Variants in FAR1 observed in about 807,000 individuals in gnomAD.
The protein encoded by FAR1 is fatty acyl-CoA reductase 1.
FAR1 carries 22 observed loss-of-function variants against 61.1 expected under a neutral mutation model. The ratio of observed to expected loss-of-function variants is 0.36; its 90% CI spans 0.26 to 0.51. FAR1 has a LOEUF of 0.51. FAR1 is among the 20% of genes least tolerant of loss of function. FAR1 has a pLI of 0.95. For synonymous variants in FAR1, 206 were observed against 209.7 expected (o/e 0.98, Z 0.15); for missense variants, 359 against 626.9 (o/e 0.57, Z 4.56).
At chr11:13,722,843 C>CCTCTTTCTCT (rs1848625673) in intron 10 of FAR1, among the ~76,000 whole-genome samples, 1 of 143,086 alleles carries the variant, frequency 7.0e-6, no homozygotes, top group Non-Finnish European at 1.5e-5. Flanking sequence ...TAGATTTCTC[C>CCTCTTTCTCT]CTCTCTCTCT....
At chr11:13,713,404 G>A (rs12797900) in intron 8 of FAR1, among the ~76,000 whole-genome samples, 1 of 152,078 alleles carries the variant, frequency 6.6e-6, no homozygotes, top group Non-Finnish European at 1.5e-5. Context: ...CTTCTTACAA[G>A]AGGTGGTATA....
intron 1 of FAR1, among the ~76,000 whole-genome samples, chr11:13,679,301 C>G (rs886353240): frequency 1.3e-5 from 2 of 151,962 alleles, no homozygotes; most frequent in East Asian, 3.9e-4. Flanking sequence ...AAAAAGTGAT[C>G]AAGCACAATA....
At chr11:13,715,093 G>C (rs1402307583) in intron 9 of FAR1, among the ~76,000 whole-genome samples, 3 of 152,150 alleles carry the variant, frequency 2.0e-5, no homozygotes, top group African/African-American at 7.2e-5. Flanking sequence ...GTCAGCCATA[G>C]AGTATCTGCA....
At chr11:13,695,623 C>CT (rs1454222812) in intron 2 of FAR1, among the ~76,000 whole-genome samples, 1 of 152,126 alleles carries the variant, frequency 6.6e-6, no homozygotes, top group East Asian at 1.9e-4. Context: ...AGGAATCTGA[C>CT]TGCAGGCATA....
chr11:13,731,514 T>C lies in FAR1; in HGVS notation c.*2740T>C, dbSNP rs1454957677. On this transcript the variant is annotated 3_prime_UTR_variant, in exon 12 of 12. Transcript: ENST00000354817. ...ATTTCCATTATAGTATTTATTGTATTTTTATGTTCTGAAAATTACCCATGG... is the reference window on the plus strand; with the variant it reads ...ATTTCCATTATAGTATTTATTGTATCTTTATGTTCTGAAAATTACCCATGG... 1 of 152,588 alleles carries C rather than the reference T, an allele frequency of 6.6e-6. No individual in the cohort carries two copies. The highest frequency in any genetic ancestry group is 1.5e-5 in the Non-Finnish European group (1 of 68,022). 9.5% of individuals were successfully genotyped at this position (152,588 alleles called of 1,614,324 possible).
chr11:13,730,726 G>A lies in FAR1; in HGVS notation c.*1952G>A, dbSNP rs189891009. 13 of 152,196 alleles carry A rather than the reference G, an allele frequency of 8.5e-5. No individual in the cohort carries two copies. The highest frequency in any genetic ancestry group is 3.1e-4 in the African/African-American group (13 of 41,564). The allele number at this position is 152,196 out of a possible 1,614,324, so 9.4% of individuals were successfully genotyped here. A position where few individuals can be genotyped will look rare whatever the true frequency, so the allele number is the denominator to read the frequency against. ...CAGGCCTATGAAGTGCATAGGGAGT[G>A]TATGTCTTCTGAATGGTTTTATTGT... On this transcript the variant is annotated 3_prime_UTR_variant, in exon 12 of 12. Coordinates refer to ENST00000354817, the MANE Select transcript of FAR1 (RefSeq NM_032228.6).
At chr11:13,708,443 G>GCACACACACACA (rs770468143) in intron 4 of FAR1, among the ~76,000 whole-genome samples, 35 of 84,422 alleles carry the variant, frequency 4.1e-4, no homozygotes, top group Admixed American at 7.2e-4. Context: ...GTGCGCGCGC[G>GCACACACACACA]CGCGCACACA....
At chr11:13,714,138 T>G (rs1318978283) in intron 8 of FAR1, among the ~76,000 whole-genome samples, 1 of 151,812 alleles carries the variant, frequency 6.6e-6, no homozygotes, top group East Asian at 1.9e-4. Context: ...TCCTTTTCTT[T>G]TTTAAGTAAG....
intron 11 of FAR1, 111 bp downstream of exon 11, chr11:13,727,794 AT>A: frequency 1.0e-6 from 1 of 992,432 alleles, no homozygotes; most frequent in Non-Finnish European, 1.5e-6. Context: ...GATGCAGATA[AT>A]TTTTAATGGT....
chr11:13,707,482 G>A (rs1310061543), intron 3 of FAR1, among the ~76,000 whole-genome samples: 4 of 151,956 alleles, frequency 2.6e-5, no homozygotes, highest in South Asian at 2.1e-4. Flanking sequence ...GTGACTCTAC[G>A]TTAACATTTT....
intron 1 of FAR1, among the ~76,000 whole-genome samples, chr11:13,692,190 A>G (rs1341389199): frequency 2.0e-5 from 3 of 152,108 alleles, no homozygotes; most frequent in Non-Finnish European, 4.4e-5. Context: ...TTAAGCACCA[A>G]CATGATGCTC....
At chr11:13,674,832 C>G (rs1214751605) in intron 1 of FAR1, among the ~76,000 whole-genome samples, 2 of 152,154 alleles carry the variant, frequency 1.3e-5, no homozygotes, top group Non-Finnish European at 2.9e-5. Context: ...TTCAATTGGT[C>G]TGTTCTGTAT....
chr11:13,718,746 G>C (rs1416740759), intron 9 of FAR1, among the ~76,000 whole-genome samples: 4 of 152,202 alleles, frequency 2.6e-5, no homozygotes, highest in Non-Finnish European at 4.4e-5. Flanking sequence ...GGGTTAGCTT[G>C]ATGGTAATGG....
chr11:13,700,459 G>T lies in FAR1; in HGVS notation c.332G>T (p.Cys111Phe). Reference protein sequence around the residue: ...IIDSTNIIFHCAATVRFNENL... With the variant: ...IIDSTNIIFHFAATVRFNENL... ...GATTCTACCAATATTATATTCCACT[G>T]TGCAGCTACAGTAAGGTTTAATGAA... Residue 111 changes from cysteine (C) to phenylalanine (F), a missense_variant, in exon 3 of 12, where the codon TGT becomes TTT. Cys to Phe is a radical substitution (Grantham distance 205, BLOSUM62 -2). Transcript: ENST00000354817. 9 of 1,541,526 alleles carry T rather than the reference G, an allele frequency of 5.8e-6. No homozygotes were observed. The highest frequency in any genetic ancestry group is 7.8e-6 in the Non-Finnish European group (9 of 1,150,842).
At chr11:13,715,357 C>G (rs995285765) in intron 9 of FAR1, among the ~76,000 whole-genome samples, 1 of 152,110 alleles carries the variant, frequency 6.6e-6, no homozygotes, top group Non-Finnish European at 1.5e-5. Context: ...CTCCAAAATT[C>G]CATAATATAG....
chr11:13,669,224 G>C lies in FAR1; in HGVS notation c.-8+418G>C, dbSNP rs188583085. On this transcript the variant is annotated intron_variant, in intron 1 of 11. Coordinates refer to ENST00000354817, the MANE Select transcript of FAR1 (RefSeq NM_032228.6). ...GCAGGATTCCGGGTCTGGGGAGGAA[G>C]AAAGTGGTGGGAAATAGGTGATGCT... is the stretch of plus-strand genomic sequence containing the variant. 3.3e-5 allele frequency: 5 copies of C among 152,798 alleles called. No homozygotes were observed. The East Asian group carries it at 9.7e-4, about 30-fold the overall frequency. The allele number at this position is 152,798 out of a possible 1,614,324, so 9.5% of individuals were successfully genotyped here.
chr11:13,728,787 C>G lies in FAR1; in HGVS notation c.*13C>G. ...TATGAGATACTGAAGACCAAGGATTCAGCATTAGAACATCTATACATATGG... is the reference window on the plus strand; with the variant it reads ...TATGAGATACTGAAGACCAAGGATTGAGCATTAGAACATCTATACATATGG... On this transcript the variant is annotated 3_prime_UTR_variant, in exon 12 of 12. Coordinates refer to ENST00000354817, the MANE Select transcript of FAR1 (RefSeq NM_032228.6). 6.2e-7 allele frequency: 1 copy of G among 1,607,658 alleles called. No homozygotes were observed. Among genetic ancestry groups the G allele is most frequent in the Non-Finnish European group, 8.5e-7 (1 of 1,175,754 alleles).
chr11:13,722,217 T>TA (rs1591272136), intron 10 of FAR1, among the ~76,000 whole-genome samples: 1 of 152,176 alleles, frequency 6.6e-6, no homozygotes, highest in Non-Finnish European at 1.5e-5. Flanking sequence ...TTGTTTTTTA[T>TA]AAACTCTTTT....
chr11:13,728,736 TTG>T lies in FAR1; in HGVS notation c.1512_1513del (p.Leu504PhefsTer26). ...TGTGGTTAGTCTGTGTTACAAGTTTTTGTCATACTTCCGAGCATCCAGCACTA... is the reference window on the plus strand; with the variant it reads ...TGTGGTTAGTCTGTGTTACAAGTTTTTCATACTTCCGAGCATCCAGCACTA... The part of the protein sequence containing the change: ...YFVVSLCYKF[L>X]SYFRASSTMR... On this transcript the variant is annotated frameshift_variant, in exon 12 of 12. Coordinates refer to ENST00000354817, the MANE Select transcript of FAR1 (RefSeq NM_032228.6). LOFTEE classifies it high-confidence loss of function. The T allele has an allele frequency of 6.2e-7, 1 of 1,612,160 alleles. No individual in the cohort carries two copies. Among genetic ancestry groups the T allele is most frequent in the Non-Finnish European group, 8.5e-7 (1 of 1,178,600 alleles).
Sources: gnomAD v4.1 joint callset for allele counts (sites outside exome capture counted in the v4.1 genomes callset) on GRCh38, gnomAD v4.1.1 for gene constraint, MANE v1.5 for transcripts, NCBI Gene and HGNC (gene_info 2026-07-23, HGNC 2026-07-21) for gene names.